FCHO2: variants seen among roughly 807,000 people sequenced by gnomAD.
FCHO2 encodes FCH and mu domain containing endocytic adaptor 2.
FCHO2 carries 43 observed loss-of-function variants against 114.1 expected under a neutral mutation model. The ratio of observed to expected loss-of-function variants is 0.38; its 90% CI spans 0.30 to 0.49. The LOEUF is 0.49. FCHO2 is among the 20% of genes least tolerant of loss of function. The pLI is 0.97. For missense variants in FCHO2, 807 were observed against 950.4 expected (o/e 0.85, Z 1.98); for synonymous variants, 293 against 315.2 (o/e 0.93, Z 0.75).
intron 8 of FCHO2, among the ~76,000 whole-genome samples, chr5:73,031,962 G>T (rs1756260014): frequency 6.6e-6 from 1 of 152,196 alleles, no homozygotes; most frequent in African/African-American, 2.4e-5. Context: ...CTCTCACTCT[G>T]GCTTTAGTAC....
chr5:72,982,108 T>C (rs1166735026), intron 2 of FCHO2, among the ~76,000 whole-genome samples: 1 of 152,194 alleles, frequency 6.6e-6, no homozygotes, highest in Non-Finnish European at 1.5e-5. Flanking sequence ...GTATCTGGGC[T>C]GGAATGCACC....
intron 7 of FCHO2, 59 bp from the exon 8 acceptor site, chr5:73,017,153 A>T: frequency 1.0e-6 from 1 of 983,812 alleles, no homozygotes; most frequent in South Asian, 1.9e-5. Context: ...TGTAAGTTTT[A>T]TCTGAAATAC....
chr5:73,003,069 A>G (rs754142821), intron 5 of FCHO2, among the ~76,000 whole-genome samples: 9 of 151,924 alleles, frequency 5.9e-5, no homozygotes, highest in Non-Finnish European at 1.0e-4. Flanking sequence ...GTGTGGTGGT[A>G]TTATCATAGC....
intron 2 of FCHO2, among the ~76,000 whole-genome samples, chr5:72,970,139 CT>C (rs1053775338): frequency 5.3e-5 from 8 of 152,130 alleles, no homozygotes; most frequent in Admixed American, 5.2e-4. Context: ...GTTGTTACCT[CT>C]TCTCTTTCAG....
At chr5:73,000,878 G>A (rs1215284147) in intron 5 of FCHO2, among the ~76,000 whole-genome samples, 1 of 151,776 alleles carries the variant, frequency 6.6e-6, no homozygotes, top group Admixed American at 6.6e-5. Context: ...AAAGTGGTGG[G>A]ATTACAGGCA....
chr5:72,971,718 G>C (rs1213552987), intron 2 of FCHO2, among the ~76,000 whole-genome samples: 1 of 152,196 alleles, frequency 6.6e-6, no homozygotes, highest in Non-Finnish European at 1.5e-5. Context: ...AGTCCCATTT[G>C]TCAATTTTGG....
In FCHO2 at chr5:73,074,870, T is replaced by C. The variant is rs767819193; in HGVS notation, c.1691+17T>C. ...TCCCACCAAGTTAGTTTTTAAAATA[T>C]ATGCATGTATGTGTATGTATGTGTG... On this transcript the variant is annotated intron_variant, in intron 20 of 25. Transcript: ENST00000430046. 36 of 1,589,878 alleles carry C rather than the reference T, an allele frequency of 2.3e-5. No homozygotes were observed. The South Asian group carries it at 3.7e-4, about 16-fold the overall frequency.
At position 73,010,345 on chromosome 5, in the gene FCHO2, G is replaced by T. The variant is rs146605163; in HGVS notation, c.600+3796G>T. ...CATGCTTTTACCACTATTAATTAAT[G>T]AGACACTTGAAACAGAATATGGAGA... On this transcript the variant is annotated intron_variant, in intron 6 of 25. Coordinates refer to ENST00000430046, the MANE Select transcript of FCHO2 (RefSeq NM_138782.3). Among the ~76,000 whole-genome samples, 542 of 152,286 alleles carry T rather than the reference G, an allele frequency of 3.6e-3. 5 individuals carry two copies. The highest frequency in any genetic ancestry group is 0.013 in the African/African-American group (527 of 41,550).
intron 6 of FCHO2, among the ~76,000 whole-genome samples, chr5:73,010,559 G>T (rs1754951041): frequency 6.6e-6 from 1 of 152,036 alleles, no homozygotes; most frequent in African/African-American, 2.4e-5. Context: ...AGGCAATTTT[G>T]TCATTGTGTG....
At position 73,048,484 on chromosome 5, in the gene FCHO2, C is replaced by T. The variant is rs114391923; in HGVS notation, c.940-2865C>T. ...ATAAAATAAAAATATTTTCAATCTG[C>T]GGTTGGTTGAATACATGCAAATACT... On this transcript the variant is annotated intron_variant, in intron 11 of 25. Coordinates refer to ENST00000430046, the MANE Select transcript of FCHO2 (RefSeq NM_138782.3). Among the ~76,000 whole-genome samples the T allele has an allele frequency of 3.6e-3, 541 of 152,122 alleles. 5 individuals are homozygous for T. The highest frequency in any genetic ancestry group is 0.013 in the African/African-American group (526 of 41,494).
intron 17 of FCHO2, among the ~76,000 whole-genome samples, chr5:73,061,855 G>C (rs894234645): frequency 6.6e-6 from 1 of 152,042 alleles, no homozygotes; most frequent in Non-Finnish European, 1.5e-5. Flanking sequence ...AGTGACCTTT[G>C]CCTAATATTA....
At position 72,996,403 on chromosome 5, in the gene FCHO2, G is replaced by A. The variant is rs558252016; in HGVS notation, c.495+5539G>A. Among the ~76,000 whole-genome samples, 7 of 152,222 alleles carry A rather than the reference G, an allele frequency of 4.6e-5. No homozygotes were observed. In the East Asian group the frequency reaches 1.4e-3, roughly 29 times the overall value. On this transcript the variant is annotated intron_variant, in intron 5 of 25. Coordinates refer to ENST00000430046, the MANE Select transcript of FCHO2 (RefSeq NM_138782.3). Reference sequence around the variant, plus strand: ...AAAAAAGAATGACATGTATTAACGTGAGTAAATGTAAAAAGCATAATATTG... The same window carrying A: ...AAAAAAGAATGACATGTATTAACGTAAGTAAATGTAAAAAGCATAATATTG...
intron 21 of FCHO2, among the ~76,000 whole-genome samples, chr5:73,077,807 GTCACTGCAC>G (rs996985040): frequency 4.6e-5 from 7 of 152,096 alleles, no homozygotes; most frequent in African/African-American, 1.7e-4. Context: ...CCAAGATCGT[GTCACTGCAC>G]TCCAGCCTTG....
chr5:72,977,961 CT>C (rs1480876175), intron 2 of FCHO2, among the ~76,000 whole-genome samples: 1 of 152,134 alleles, frequency 6.6e-6, no homozygotes, highest in African/African-American at 2.4e-5. Context: ...GGACTCTCTT[CT>C]GTTCCATTGG....
chr5:73,011,577 G>A (rs188456630), intron 6 of FCHO2, among the ~76,000 whole-genome samples: 287 of 151,946 alleles, frequency 1.9e-3, no homozygotes, highest in African/African-American at 6.0e-3. Context: ...TCCACATCTT[G>A]TACTACTGGA....
intron 5 of FCHO2, among the ~76,000 whole-genome samples, chr5:72,994,722 C>A (rs1561431673): frequency 6.6e-6 from 1 of 151,990 alleles, no homozygotes; most frequent in Non-Finnish European, 1.5e-5. Flanking sequence ...TCTAAATGCC[C>A]ATCAGTGACA....
chr5:73,060,688 A>G (rs1380768347), intron 17 of FCHO2, among the ~76,000 whole-genome samples: 1 of 152,000 alleles, frequency 6.6e-6, no homozygotes, highest in Non-Finnish European at 1.5e-5. Flanking sequence ...CATAATCTTA[A>G]TTCATCACTG....
At chr5:73,018,523 CTTT>C (rs70973220) in intron 8 of FCHO2, among the ~76,000 whole-genome samples, 2 of 132,058 alleles carry the variant, frequency 1.5e-5, no homozygotes, top group Admixed American at 7.6e-5. Context: ...TAACTTTCTT[CTTT>C]TTTTTTTTTT....
Position 72,990,387 on chromosome 5 carries a change from A to G in FCHO2, c.201-91A>G, listed in dbSNP as rs115307616. The stretch of plus-strand genomic sequence containing the variant: ...TTTTGCCTAAATAAAGTTGCCATAT[A>G]TACCACTATTATTTCCACTGGTTCC... On this transcript the variant is annotated intron_variant, in intron 3 of 25. Transcript: ENST00000430046. 1,742 of 965,730 alleles carry G rather than the reference A, an allele frequency of 1.8e-3. 19 individuals carry two copies. In the African/African-American group the frequency reaches 0.026, roughly 15 times the overall value. The allele number at this position is 965,730 out of a possible 1,614,324, so 59.8% of individuals were successfully genotyped here.
Sources: allele counts gnomAD v4.1 joint callset (sites outside exome capture counted in the v4.1 genomes callset), GRCh38; gene constraint gnomAD v4.1.1; transcripts MANE v1.5; gene names NCBI Gene and HGNC (gene_info 2026-07-23, HGNC 2026-07-21).